The following SENP3 variants were observed in gnomAD, a reference collection of about 807,000 sequenced individuals.
SENP3 encodes the protein sentrin-specific protease 3.
SENP3 carries 11 observed loss-of-function variants against 66.2 expected under a neutral mutation model. That is an observed-to-expected ratio of 0.17 (90% CI 0.10 to 0.28). The LOEUF (loss-of-function observed/expected upper bound fraction) is 0.28. Among genes scored for constraint, SENP3 ranks in the 10% least tolerant of loss-of-function variants. The pLI, the probability that SENP3 is intolerant of heterozygous loss-of-function variation, is 1.00. For missense variants in SENP3, 548 were observed against 743.7 expected, an observed-to-expected ratio of 0.74 and a Z score of 3.06; for synonymous variants, 292 against 277.6, an observed-to-expected ratio of 1.05 and a Z score of -0.52.
chr17:7,571,891 ATATATATATATATATAT>A lies in SENP3; in HGVS notation c.*409_*425del, dbSNP rs2071326175. The A allele has an allele frequency of 7.2e-5, 1 of 13,818 alleles. No individual in the cohort carries two copies. Among genetic ancestry groups the A allele is most frequent in the Non-Finnish European group, 1.6e-4 (1 of 6,354 alleles). 0.9% of individuals were successfully genotyped at this position (13,818 alleles called of 1,614,324 possible). A position where few individuals can be genotyped will look rare whatever the true frequency, so the allele number is the denominator to read the frequency against. ...TATATATATATATATATATATATAT[ATATATATATATATATAT>A]AAAAATATATAAATGCCACGGTCCT... On this transcript the variant is annotated 3_prime_UTR_variant, in exon 11 of 11. Transcript: ENST00000321337.
intron 7 of SENP3, among the ~76,000 whole-genome samples, chr17:7,569,749 T>C (rs1255302691): frequency 6.6e-6 from 1 of 152,236 alleles, no homozygotes; most frequent in Non-Finnish European, 1.5e-5. Context: ...GCCATTTCTT[T>C]CTTTCATGAC....
At chr17:7,567,449 G>A (rs189756364) in intron 7 of SENP3, among the ~76,000 whole-genome samples, 2 of 152,074 alleles carry the variant, frequency 1.3e-5, no homozygotes, top group East Asian at 3.9e-4. Context: ...AACCTGGGAG[G>A]CAGAGGTTGC....
rs1008259927 is a variant in SENP3, at chr17:7,561,985, G to A, written c.-290G>A. 3 of 399,064 alleles carry A rather than the reference G, an allele frequency of 7.5e-6. No individual in the cohort carries two copies. The highest frequency in any genetic ancestry group is 4.4e-6 in the Non-Finnish European group (1 of 226,560). 24.7% of individuals were successfully genotyped at this position (399,064 alleles called of 1,614,324 possible). On this transcript the variant is annotated 5_prime_UTR_variant, in exon 1 of 11. Coordinates refer to ENST00000321337, the MANE Select transcript of SENP3 (RefSeq NM_015670.6). This position sits in a 1 kb window ranked among gnomAD's most constrained non-coding sequence, Gnocchi z 4.4. ...GGCTCGCGGGAGGGGAAGGAGGAGG[G>A]GGGGAGGAGTGGCGGCGGCGGCGGT...
chr17:7,570,238 G>A lies in SENP3; in HGVS notation c.1342-118G>A, dbSNP rs905922188. On this transcript the variant is annotated intron_variant, in intron 7 of 10. Transcript: ENST00000321337. The surrounding 1 kb of genome is among the most constrained non-coding windows in gnomAD (Gnocchi z 5.4). ...TGAGCTTGCCCACAATCTAGGCCTT[G>A]GGTCTTCTGTTCTTTCACTTGGTTC... 1 of 1,277,278 alleles carries A rather than the reference G, an allele frequency of 7.8e-7. No homozygotes were observed. Among genetic ancestry groups the A allele is most frequent in the Non-Finnish European group, 1.1e-6 (1 of 915,574 alleles). 79.1% of individuals were successfully genotyped at this position (1,277,278 alleles called of 1,614,324 possible).
rs1270348281 is a variant in SENP3 at position 7,563,741 on chromosome 17, A to T, written c.665A>T (p.Glu222Val). The stretch of plus-strand genomic sequence containing the variant: ...CCAGTGCCCTCTGGGCCCCCCATGG[A>T]GGAAGATGGACTCAGGTGGACTCCA... ...SPPVPSGPPM[E>V]EDGLRWTPKS... The change falls in exon 2 of 11, where the codon GAG becomes GTG. Residue 222 changes from glutamate to valine, a missense_variant. Glu to Val is a moderately radical substitution (Grantham distance 121). Transcript: ENST00000321337. 2 of 1,551,992 alleles carry T rather than the reference A, an allele frequency of 1.3e-6. No homozygotes were observed. Among genetic ancestry groups the T allele is most frequent in the Admixed American group, 3.5e-5 (2 of 57,704 alleles).
At position 7,571,367 on chromosome 17, in the gene SENP3, A is replaced by C. The variant is rs777854212; in HGVS notation, c.1615-6A>C. The C allele has an allele frequency of 1.1e-5, 18 of 1,609,312 alleles. No homozygotes were observed. In the Admixed American group the frequency reaches 2.8e-4, roughly 25 times the overall value. On this transcript the variant is annotated splice_polypyrimidine_tract_variant and splice_region_variant and intron_variant, in intron 10 of 10. Coordinates refer to ENST00000321337, the MANE Select transcript of SENP3 (RefSeq NM_015670.6). The stretch of plus-strand genomic sequence containing the variant: ...GTTTCTCATGGCTTGCTTTGTTAAC[A>C]CCCAGTACTGCAAGCATCTGGCCCT...
chr17:7,569,161 G>A (rs921378739), intron 7 of SENP3, among the ~76,000 whole-genome samples: 2 of 152,054 alleles, frequency 1.3e-5, no homozygotes, highest in Non-Finnish European at 2.9e-5. Flanking sequence ...TGAGGCGGGC[G>A]GATCACCAGG....
In SENP3 at chr17:7,565,713, C is replaced by G; in HGVS notation, c.1216-4C>G. ...TGGCAAGCTGCCTCCCATCTTCTCC[C>G]CAGGTGATGAACATGTATGGAGACC... On this transcript the variant is annotated splice_region_variant and splice_polypyrimidine_tract_variant and intron_variant, in intron 5 of 10. Coordinates refer to ENST00000321337, the MANE Select transcript of SENP3 (RefSeq NM_015670.6). 1 of 1,613,976 alleles carries G rather than the reference C, an allele frequency of 6.2e-7. No individual in the cohort carries two copies.
chr17:7,566,315 C>T (rs2071267691), intron 6 of SENP3, among the ~76,000 whole-genome samples: 1 of 146,444 alleles, frequency 6.8e-6, no homozygotes. Context: ...GCACTCCCGC[C>T]TGGGCAACAA....
In SENP3 at chr17:7,563,631, T is replaced by C; in HGVS notation, c.555T>C (p.Arg185=). ...ATPQVPSPCC[R]FDSPRGPPPP... The stretch of plus-strand genomic sequence containing the variant: ...CACAGGTGCCATCCCCCTGTTGTCG[T>C]TTTGACTCCCCCCGGGGGCCACCTC... Residue 185 remains arginine (R), a synonymous_variant, in exon 2 of 11, where the codon CGT becomes CGC. Coordinates refer to ENST00000321337, the MANE Select transcript of SENP3 (RefSeq NM_015670.6). 2.5e-6 allele frequency: 4 copies of C among 1,603,330 alleles called. No homozygotes were observed. The highest frequency in any genetic ancestry group is 3.4e-6 in the Non-Finnish European group (4 of 1,175,642).
At chr17:7,565,238 T>G (rs1210786668) in intron 4 of SENP3, 168 bp downstream of exon 4, 22 of 803,816 alleles carry the variant, frequency 2.7e-5, no homozygotes, top group Non-Finnish European at 3.5e-5. Flanking sequence ...TGGGAGAGTC[T>G]TTACCTGGGA....
chr17:7,562,941 G>C lies in SENP3; in HGVS notation c.-11-125G>C, dbSNP rs984462138. On this transcript the variant is annotated intron_variant, in intron 1 of 10. Coordinates refer to ENST00000321337, the MANE Select transcript of SENP3 (RefSeq NM_015670.6). This position sits in a 1 kb window ranked among gnomAD's most constrained non-coding sequence, Gnocchi z 5.0. ...TAACCGGGAAGATCTTAAGTTAGGAGTTTTGCGTTTTTTCCTCTTTTCTTT... is the reference window on the plus strand; with the variant it reads ...TAACCGGGAAGATCTTAAGTTAGGACTTTTGCGTTTTTTCCTCTTTTCTTT... 2.3e-6 allele frequency: 3 copies of C among 1,304,546 alleles called. No homozygotes were observed. Among genetic ancestry groups the C allele is most frequent in the Non-Finnish European group, 1.9e-6 (2 of 1,026,780 alleles). 80.8% of individuals were successfully genotyped at this position (1,304,546 alleles called of 1,614,324 possible). A position where few individuals can be genotyped will look rare whatever the true frequency, so the allele number is the denominator to read the frequency against.
rs1049476745 is a variant in SENP3 at position 7,563,708 on chromosome 17, G to C, written c.632G>C (p.Gly211Ala). 2.5e-6 allele frequency: 4 copies of C among 1,612,970 alleles called. No individual in the cohort carries two copies. Among genetic ancestry groups the C allele is most frequent in the Middle Eastern group, 1.7e-4 (1 of 6,044 alleles). The stretch of plus-strand genomic sequence containing the variant: ...CTCATGGCTGAGGATGGGGTGAGAG[G>C]GTCTCCACCAGTGCCCTCTGGGCCC... The part of the protein sequence containing the change: ...GALMAEDGVR[G>A]SPPVPSGPPM... Residue 211 changes from glycine (G) to alanine (A), a missense_variant, in exon 2 of 11, where the codon GGG (glycine) becomes GCG (alanine). Physicochemically the swap from Gly to Ala is moderately conservative, Grantham distance 60. Transcript: ENST00000321337.
rs763192671 is a variant in SENP3 at position 7,564,758 on chromosome 17, G to T, written c.849G>T (p.Glu283Asp). ...GCATCGGGGACCATGTGGCCCAGGAGCTTTTTCAGGGCTCAGATTTGGGCA... is the reference window on the plus strand; with the variant it reads ...GCATCGGGGACCATGTGGCCCAGGATCTTTTTCAGGGCTCAGATTTGGGCA... ...VCSIGDHVAQ[E>D]LFQGSDLGMA... is the part of the protein sequence containing the mutation. Residue 283 changes from glutamate (E) to aspartate (D), a missense_variant, in exon 3 of 11, where the codon GAG becomes GAT. By Grantham distance (45) the Glu-to-Asp change is conservative. Around this residue, in one of 6 missense-constraint regions of SENP3, gnomAD observed 215 missense variants for 230.7 expected, o/e 0.93. Transcript: ENST00000321337. 1.5e-5 allele frequency: 25 copies of T among 1,614,046 alleles called. No homozygotes were observed. In the South Asian group the frequency reaches 2.5e-4, roughly 16 times the overall value.
At position 7,570,981 on chromosome 17, in the gene SENP3, T is replaced by C. The variant is rs1457234338; in HGVS notation, c.1614+48T>C. Reference sequence around the variant, plus strand: ...TCCCCTAGCTCTGAAGTCAGTTGGGTTAAAGGGTCGGGAGGCTGTTATGCA... The same window carrying C: ...TCCCCTAGCTCTGAAGTCAGTTGGGCTAAAGGGTCGGGAGGCTGTTATGCA... On this transcript the variant is annotated intron_variant, in intron 10 of 10. Coordinates refer to ENST00000321337, the MANE Select transcript of SENP3 (RefSeq NM_015670.6). This position sits in a 1 kb window ranked among gnomAD's most constrained non-coding sequence, Gnocchi z 5.4. 1.3e-6 allele frequency: 2 copies of C among 1,565,830 alleles called. No homozygotes were observed. Among genetic ancestry groups the C allele is most frequent in the South Asian group, 1.1e-5 (1 of 87,946 alleles).
In SENP3 at chr17:7,570,749, A is replaced by G; in HGVS notation, c.1548A>G (p.Lys516=). The stretch of plus-strand genomic sequence containing the variant: ...GACTGGATTTCCACCAGGGCTGGAA[A>G]GGTTACTTCAAAATGGTGAGTTTCC... ...KDRLDFHQGW[K]GYFKMNVARQ... The change falls in exon 9 of 11, where the codon AAA becomes AAG. Residue 516 remains lysine (K), a synonymous_variant. Coordinates refer to ENST00000321337, the MANE Select transcript of SENP3 (RefSeq NM_015670.6). The surrounding 1 kb of genome is among the most constrained non-coding windows in gnomAD (Gnocchi z 5.4). The G allele has an allele frequency of 6.2e-7, 1 of 1,611,808 alleles. No individual in the cohort carries two copies. The highest frequency in any genetic ancestry group is 1.3e-5 in the African/African-American group (1 of 75,032).
chr17:7,571,489 G>A lies in SENP3; in HGVS notation c.*6G>A, dbSNP rs750142510. 5.0e-6 allele frequency: 8 copies of A among 1,607,778 alleles called. No homozygotes were observed. The highest frequency in any genetic ancestry group is 3.3e-5 in the Admixed American group (2 of 59,946). On this transcript the variant is annotated 3_prime_UTR_variant, in exon 11 of 11. Coordinates refer to ENST00000321337, the MANE Select transcript of SENP3 (RefSeq NM_015670.6). ...ACTGCAAACTCACTGTGTGAGCCTC[G>A]TACCCCAGACCCCAAGCCCATAAAT... is the stretch of plus-strand genomic sequence containing the variant.
intron 4 of SENP3, 23 bp downstream of exon 4, chr17:7,565,093 G>C (rs947279450): frequency 6.6e-7 from 1 of 1,516,684 alleles, no homozygotes; most frequent in South Asian, 1.1e-5. Flanking sequence ...AGCCCTCCTT[G>C]AAAGAAGGGC....
At chr17:7,568,319 C>T (rs1230606342) in intron 7 of SENP3, among the ~76,000 whole-genome samples, 2 of 152,178 alleles carry the variant, frequency 1.3e-5, no homozygotes, top group African/African-American at 2.4e-5. Flanking sequence ...GGAAAGGGGC[C>T]GGGTGCGGCG....
Sources: gnomAD v4.1 joint callset for allele counts (sites outside exome capture counted in the v4.1 genomes callset) on GRCh38, gnomAD v4.1.1 for gene constraint, gnomAD v4.1.1 regional missense constraint, Gnocchi (gnomAD v3.1) non-coding constraint, MANE v1.5 for transcripts, NCBI Gene and HGNC (gene_info 2026-07-23, HGNC 2026-07-21) for gene names.